Variants in ZEB2 observed in about 807,000 individuals in gnomAD.
The protein encoded by ZEB2 is zinc finger E-box binding homeobox 2.
In ZEB2, 6 loss-of-function variants were observed where a neutral mutation model predicts 99.9. The observed-to-expected ratio is 0.06, with a 90% CI of 0.03 to 0.12. The LOEUF (loss-of-function observed/expected upper bound fraction) is 0.12, where lower values mean the gene tolerates loss of function less well. ZEB2 is among the 10% of genes least tolerant of loss of function. The pLI is 1.00. For synonymous variants in ZEB2, 517 were observed against 542.5 expected (o/e 0.95, Z 0.65); for missense variants, 969 against 1,502.8 (o/e 0.64, Z 5.87).
chr2:144,519,095 G>A (rs1174677901), intron 1 of ZEB2, among the ~76,000 whole-genome samples: 1 of 152,172 alleles, frequency 6.6e-6, no homozygotes, highest in African/African-American at 2.4e-5. Context: ...ACTTTTCAGT[G>A]CCAAAGTATG....
intron 4 of ZEB2, among the ~76,000 whole-genome samples, chr2:144,411,338 A>G (rs765773751): frequency 1.4e-4 from 21 of 151,884 alleles, no homozygotes; most frequent in Non-Finnish European, 2.6e-4. Context: ...AAACACGAAA[A>G]TTATTTTGAA....
intron 2 of ZEB2, among the ~76,000 whole-genome samples, chr2:144,517,013 G>A (rs1705160603): frequency 6.7e-6 from 1 of 149,512 alleles, no homozygotes; most frequent in Non-Finnish European, 1.5e-5. Flanking sequence ...GGGGCAGCGG[G>A]GCTGGGGGCG....
At chr2:144,465,511 C>A (rs571612233) in intron 2 of ZEB2, among the ~76,000 whole-genome samples, 1 of 152,106 alleles carries the variant, frequency 6.6e-6, no homozygotes, top group African/African-American at 2.4e-5. Context: ...CCCCCAAGAG[C>A]GCTATCCAAT....
intron 2 of ZEB2, among the ~76,000 whole-genome samples, chr2:144,492,791 G>T (rs941730330): frequency 2.0e-5 from 3 of 152,196 alleles, no homozygotes; most frequent in African/African-American, 7.2e-5. Flanking sequence ...TAATATGGTG[G>T]TAGGGAATCT....
intron 2 of ZEB2, among the ~76,000 whole-genome samples, chr2:144,480,983 T>C (rs1573787538): frequency 6.6e-6 from 1 of 152,304 alleles, no homozygotes; most frequent in East Asian, 1.9e-4. Flanking sequence ...TCTGTTTTTT[T>C]CTAATAATTA....
intron 2 of ZEB2, chr2:144,470,299 G>A (rs1232661006): frequency 6.6e-6 from 1 of 152,118 alleles, no homozygotes; most frequent in African/African-American, 2.4e-5. Context: ...AGAGACACAG[G>A]TAGGAATTGC....
rs748625459 is a variant in ZEB2, at chr2:144,399,840, C to T, written c.1347G>A (p.Gly449=). 2 of 1,614,022 alleles carry T rather than the reference C, an allele frequency of 1.2e-6. No homozygotes were observed. Among genetic ancestry groups the T allele is most frequent in the Non-Finnish European group, 1.7e-6 (2 of 1,180,028 alleles). Residue 449 remains glycine, a synonymous_variant, in exon 8 of 10, where the codon GGG becomes GGA. Transcript: ENST00000627532. The surrounding 1 kb of genome is among the most constrained non-coding windows in gnomAD (Gnocchi z 5.6). ...LGVGMEAPLL[G]FPTMNSNLSE... Reference sequence around the variant, plus strand: ...TTAAATTACTATTCATGGTGGGAAACCCAAGTAAAGGGGCTTCCATCCCTA... The same window carrying T: ...TTAAATTACTATTCATGGTGGGAAATCCAAGTAAAGGGGCTTCCATCCCTA...
chr2:144,491,198 C>T (rs1704674824), intron 2 of ZEB2, among the ~76,000 whole-genome samples: 1 of 152,252 alleles, frequency 6.6e-6, no homozygotes, highest in African/African-American at 2.4e-5. Flanking sequence ...TCAGTTGAGC[C>T]TAGCAGCAGC....
At chr2:144,448,508 C>T (rs934314068) in intron 2 of ZEB2, among the ~76,000 whole-genome samples, 1 of 152,198 alleles carries the variant, frequency 6.6e-6, no homozygotes, top group African/African-American at 2.4e-5. Context: ...CGCTGCATCA[C>T]ACTTTTCAAA....
rs376831687 is a variant in ZEB2 at position 144,480,145 on chromosome 2, T to C, written c.73+37133A>G. 1.2e-4 allele frequency among the ~76,000 whole-genome samples: 18 copies of C among 152,306 alleles called. No homozygotes were observed. In the East Asian group the frequency reaches 2.7e-3, roughly 23 times the overall value. On this transcript the variant is annotated intron_variant, in intron 2 of 9. Coordinates refer to ENST00000627532, the MANE Select transcript of ZEB2 (RefSeq NM_014795.4). ...ATAAATGCAAATGAAAGCAATAGTCTTTTATTTGATTTGATTTCTGCTTGG... is the reference window on the plus strand; with the variant it reads ...ATAAATGCAAATGAAAGCAATAGTCCTTTATTTGATTTGATTTCTGCTTGG...
intron 4 of ZEB2, chr2:144,405,314 T>A (rs189361227): frequency 5.4e-6 from 2 of 366,980 alleles, no homozygotes; most frequent in Non-Finnish European, 5.0e-6. Flanking sequence ...AAAATGTTTT[T>A]CATAAATTTT....
Position 144,404,006 on chromosome 2 carries a change from C to A in ZEB2, c.717G>T (p.Glu239Asp). ...AGCTACAGAGAGGGCAGGAAAAGTT[C>A]TCTTCATTCTTCTCGTGGCGGTACT... is the stretch of plus-strand genomic sequence containing the variant. ...HIKYRHEKNEENFSCPLCSYT... is the reference protein window; with the variant it reads ...HIKYRHEKNEDNFSCPLCSYT... Residue 239 changes from glutamate (E) to aspartate (D), a missense_variant, in exon 6 of 10, where the codon GAG (glutamate) becomes GAT (aspartate). Glu to Asp is a conservative substitution (Grantham distance 45, BLOSUM62 2). Around this residue, in one of 8 missense-constraint regions of ZEB2, gnomAD observed 65 missense variants for 147.7 expected, o/e 0.44. Coordinates refer to ENST00000627532, the MANE Select transcript of ZEB2 (RefSeq NM_014795.4). 1 of 1,614,120 alleles carries A rather than the reference C, an allele frequency of 6.2e-7. No individual in the cohort carries two copies. Among genetic ancestry groups the A allele is most frequent in the South Asian group, 1.1e-5 (1 of 91,074 alleles).
intron 2 of ZEB2, among the ~76,000 whole-genome samples, 181 bp downstream of exon 2, chr2:144,517,097 A>AC (rs1371150926): frequency 6.9e-6 from 1 of 144,586 alleles, no homozygotes; most frequent in Non-Finnish European, 1.5e-5. Context: ...CTTCCCCAAC[A>AC]CCCCCCGGTC....
At chr2:144,395,049 G>A (rs564691940) in intron 9 of ZEB2, among the ~76,000 whole-genome samples, 1 of 141,896 alleles carries the variant, frequency 7.0e-6, no homozygotes, top group Non-Finnish European at 1.5e-5. Context: ...AGGCTGAGGT[G>A]CAGTGGCACA....
intron 2 of ZEB2, chr2:144,494,138 C>A (rs974585133): frequency 8.8e-6 from 1 of 113,314 alleles, no homozygotes; most frequent in Non-Finnish European, 1.6e-5. Context: ...GGCGACAGAG[C>A]GAGACTCCGT....
rs1407094496 is a variant in ZEB2 at position 144,399,908 on chromosome 2, C to T, written c.1279G>A (p.Gly427Arg). Residue 427 changes from glycine (G) to arginine (R), a missense_variant, in exon 8 of 10, where the codon GGA (glycine) becomes AGA (arginine). Physicochemically the swap from Gly to Arg is moderately radical, Grantham distance 125. Transcript: ENST00000627532. This position sits in a 1 kb window ranked among gnomAD's most constrained non-coding sequence, Gnocchi z 5.6. ...NGGLGATSPLGVHPSAQSPMQ... is the reference protein window; with the variant it reads ...NGGLGATSPLRVHPSAQSPMQ... ...GGACTCTGAGCAGATGGATGAACTC[C>T]TAAAGGGCTGGTGGCTCCAAGCCCA... is the stretch of plus-strand genomic sequence containing the variant. 3 of 1,614,058 alleles carry T rather than the reference C, an allele frequency of 1.9e-6. No homozygotes were observed. Among genetic ancestry groups the T allele is most frequent in the African/African-American group, 2.7e-5 (2 of 74,930 alleles).
chr2:144,517,577 C>T lies in ZEB2; in HGVS notation c.-69-158G>A. 6.7e-6 allele frequency: 4 copies of T among 596,006 alleles called. No individual in the cohort carries two copies. The Admixed American group carries it at 9.0e-5, about 13-fold the overall frequency. The allele number at this position is 596,006 out of a possible 1,614,324, so 36.9% of individuals were successfully genotyped here. A position where few individuals can be genotyped will look rare whatever the true frequency, so the allele number is the denominator to read the frequency against. On this transcript the variant is annotated intron_variant, in intron 1 of 9. Transcript: ENST00000627532. ...GCGGCCCCCTCCCCGCCCCCCACCC[C>T]CAGCCTTGGCCCCGAGGCGCTTTGT...
chr2:144,513,897 G>A, intron 2 of ZEB2: 1 of 1,508,244 alleles, frequency 6.6e-7, no homozygotes, highest in East Asian at 2.5e-5. Flanking sequence ...AAGTGAGTCA[G>A]GCGACTGAGG....
Position 144,398,059 on chromosome 2 carries a change from C to T in ZEB2, c.2886+242G>A, listed in dbSNP as rs550057200. On this transcript the variant is annotated intron_variant, in intron 8 of 9. Transcript: ENST00000627532. ...AAAAGCAGATGAGTCCATCTAAATACATCTCAAAATAAATATTAATTTCTT... is the reference window on the plus strand; with the variant it reads ...AAAAGCAGATGAGTCCATCTAAATATATCTCAAAATAAATATTAATTTCTT... 1.2e-5 allele frequency: 5 copies of T among 428,200 alleles called. No homozygotes were observed. The East Asian group carries it at 2.8e-4, about 24-fold the overall frequency. 26.5% of individuals were successfully genotyped at this position (428,200 alleles called of 1,614,324 possible).
Sources: gnomAD v4.1 joint callset for allele counts (sites outside exome capture counted in the v4.1 genomes callset) on GRCh38, gnomAD v4.1.1 for gene constraint, gnomAD v4.1.1 regional missense constraint, Gnocchi (gnomAD v3.1) non-coding constraint, MANE v1.5 for transcripts, NCBI Gene and HGNC (gene_info 2026-07-23, HGNC 2026-07-21) for gene names.